Variants in SCUBE2 observed in about 807,000 individuals in gnomAD.
SCUBE2 encodes the protein signal peptide, CUB domain and EGF like domain containing 2, also known as signal peptide, CUB and EGF-like domain-containing protein 2.
A neutral mutation model predicts 125.9 loss-of-function variants in SCUBE2; 114 were observed. That is an observed-to-expected ratio of 0.91 (90% CI 0.78 to 1.06). The LOEUF is 1.06. SCUBE2 is among the 50% of genes least tolerant of loss of function. The pLI is 0.00. For synonymous variants in SCUBE2, 459 were observed against 492.9 expected (o/e 0.93, Z 0.91); for missense variants, 1,255 against 1,301.8 (o/e 0.96, Z 0.55).
intron 10 of SCUBE2, 42 bp from the exon 11 acceptor site, chr11:9,053,801 G>A (rs1232949502): frequency 6.3e-7 from 1 of 1,597,918 alleles, no homozygotes; most frequent in Admixed American, 1.7e-5. Flanking sequence ...GCCTGTCACT[G>A]AATGGGCTGA....
chr11:9,020,999 C>A lies in SCUBE2; in HGVS notation c.*46G>T. 6.4e-7 allele frequency: 1 copy of A among 1,569,236 alleles called. No individual in the cohort carries two copies. The highest frequency in any genetic ancestry group is 8.7e-7 in the Non-Finnish European group (1 of 1,153,526). On this transcript the variant is annotated 3_prime_UTR_variant, in exon 23 of 23. Transcript: ENST00000649792. ...GCAGAAGGAAGACAGCTCTGTCCCA[C>A]CAACCCTATAGCAGAACATTTGTAT... is the stretch of plus-strand genomic sequence containing the variant.
chr11:9,025,089 C>G (rs1378358682), intron 21 of SCUBE2, among the ~76,000 whole-genome samples: 1 of 152,210 alleles, frequency 6.6e-6, no homozygotes, highest in Non-Finnish European at 1.5e-5. Flanking sequence ...CCAACCAAGT[C>G]TCAGAGCTAG....
In SCUBE2 at chr11:9,047,507, G is replaced by A. The variant is rs750537100; in HGVS notation, c.1851C>T (p.Ala617=). The A allele has an allele frequency of 1.9e-6, 3 of 1,614,008 alleles. No individual in the cohort carries two copies. The highest frequency in any genetic ancestry group is 4.5e-5 in the East Asian group (2 of 44,872). The part of the protein sequence containing the change: ...VKRTEKRLRK[A]IRTLRKAVHR... Reference sequence around the variant, plus strand: ...GGACGGCCTTTCTGAGCGTGCGGATGGCTTTACGGAGCCGCTTCTCGGTTC... The same window carrying A: ...GGACGGCCTTTCTGAGCGTGCGGATAGCTTTACGGAGCCGCTTCTCGGTTC... Residue 617 remains alanine, a synonymous_variant, in exon 16 of 23, where the codon GCC becomes GCT. Transcript: ENST00000649792.
At chr11:9,026,113 T>G (rs1187328602) in intron 20 of SCUBE2, 2 of 330,372 alleles carry the variant, frequency 6.1e-6, no homozygotes, top group Admixed American at 9.0e-5. Flanking sequence ...CCGTTCACTG[T>G]AGGAGCTGGG....
At chr11:9,083,421 A>G (rs1186856316) in intron 2 of SCUBE2, among the ~76,000 whole-genome samples, 1 of 152,244 alleles carries the variant, frequency 6.6e-6, no homozygotes, top group Non-Finnish European at 1.5e-5. Context: ...TCACAGGGTT[A>G]TGGACTTATA....
intron 2 of SCUBE2, among the ~76,000 whole-genome samples, chr11:9,086,475 C>T (rs376300274): frequency 8.3e-4 from 127 of 152,280 alleles, no homozygotes; most frequent in African/African-American, 2.9e-3. Context: ...ATCTTTGAAT[C>T]CTTGCAATCC....
At chr11:9,035,656 G>A (rs932762396) in intron 16 of SCUBE2, among the ~76,000 whole-genome samples, 3 of 151,900 alleles carry the variant, frequency 2.0e-5, no homozygotes, top group African/African-American at 7.3e-5. Flanking sequence ...TTAAACATGG[G>A]AACGTTCTCT....
rs1856192644 is a variant in SCUBE2, at chr11:9,030,315, CCA to C, written c.2342-272_2342-271del. The C allele has an allele frequency of 2.6e-5, 13 of 503,808 alleles. No homozygotes were observed. In the South Asian group the frequency reaches 3.0e-4, roughly 12 times the overall value. 31.2% of individuals were successfully genotyped at this position (503,808 alleles called of 1,614,324 possible). A position where few individuals can be genotyped will look rare whatever the true frequency, so the allele number is the denominator to read the frequency against. On this transcript the variant is annotated intron_variant, in intron 18 of 22. Coordinates refer to ENST00000649792, the MANE Select transcript of SCUBE2 (RefSeq NM_001367977.2). ...GAGTCAGGCATCAATGATCACAACT[CCA>C]GTCTTCATGCAGAGCACGTCTGTGA...
At chr11:9,086,404 A>C (rs1294149961) in intron 2 of SCUBE2, among the ~76,000 whole-genome samples, 1 of 152,236 alleles carries the variant, frequency 6.6e-6, no homozygotes, top group Non-Finnish European at 1.5e-5. Flanking sequence ...GTTGGTCCCA[A>C]GAGGCTCAAA....
intron 2 of SCUBE2, among the ~76,000 whole-genome samples, chr11:9,081,617 T>C (rs1205655776): frequency 3.3e-5 from 5 of 151,824 alleles, no homozygotes; most frequent in Admixed American, 6.6e-5. Context: ...ACCAGGAGTT[T>C]GAGACTAGCC....
At chr11:9,030,102 A>G in intron 18 of SCUBE2, 57 bp from the exon 19 acceptor site, 1 of 1,562,220 alleles carries the variant, frequency 6.4e-7, no homozygotes, top group Non-Finnish European at 8.7e-7. Flanking sequence ...TTTTAATCAA[A>G]TGCAGCACAA....
At chr11:9,071,731 T>C (rs1194935996) in intron 4 of SCUBE2, among the ~76,000 whole-genome samples, 1 of 152,142 alleles carries the variant, frequency 6.6e-6, no homozygotes, top group East Asian at 1.9e-4. Context: ...GCCTTGTGAA[T>C]TGGGAGGAAA....
intron 3 of SCUBE2, among the ~76,000 whole-genome samples, chr11:9,078,410 G>C (rs903239637): frequency 7.2e-5 from 11 of 152,188 alleles, no homozygotes; most frequent in African/African-American, 2.7e-4. Flanking sequence ...GGTCATATGA[G>C]GGTTAAGTCC....
chr11:9,047,794 C>T (rs2099623570), intron 15 of SCUBE2, 149 bp downstream of exon 15: 1 of 1,043,386 alleles, frequency 9.6e-7, no homozygotes, highest in East Asian at 2.4e-5. Flanking sequence ...AGGTTCCAAA[C>T]CAATTCAGTT....
chr11:9,074,550 A>T lies in SCUBE2; in HGVS notation c.448T>A (p.Tyr150Asn). The change falls in exon 4 of 23, where the codon TAT (tyrosine) becomes AAT (asparagine). Residue 150 changes from tyrosine (Y) to asparagine (N), a missense_variant. Around this residue, in one of 3 missense-constraint regions of SCUBE2, gnomAD observed 362 missense variants for 323.0 expected, o/e 1.12. Coordinates refer to ENST00000649792, the MANE Select transcript of SCUBE2 (RefSeq NM_001367977.2). ...QHTCVNVMGS[Y>N]ECCCKEGFFL... is the part of the protein sequence containing the mutation. Reference sequence around the variant, plus strand: ...AACCCCTCCTTGCAGCAGCACTCATAGCTCCCCATGACGTTGACACAGGTA... The same window carrying T: ...AACCCCTCCTTGCAGCAGCACTCATTGCTCCCCATGACGTTGACACAGGTA... The T allele has an allele frequency of 6.2e-7, 1 of 1,614,170 alleles. No homozygotes were observed. Among genetic ancestry groups the T allele is most frequent in the South Asian group, 1.1e-5 (1 of 91,078 alleles).
chr11:9,047,486 G>C lies in SCUBE2; in HGVS notation c.1872C>G (p.Ala624=), dbSNP rs756050214. Residue 624 remains alanine (A), a synonymous_variant, in exon 16 of 23, where the codon GCC becomes GCG. Coordinates refer to ENST00000649792, the MANE Select transcript of SCUBE2 (RefSeq NM_001367977.2). ...GGAGGTGAAACTGCTCCCTGTGGACGGCCTTTCTGAGCGTGCGGATGGCTT... is the reference window on the plus strand; with the variant it reads ...GGAGGTGAAACTGCTCCCTGTGGACCGCCTTTCTGAGCGTGCGGATGGCTT... ...LRKAIRTLRK[A]VHREQFHLQL... 1.9e-6 allele frequency: 3 copies of C among 1,613,922 alleles called. No individual in the cohort carries two copies. The South Asian group carries it at 3.3e-5, about 18-fold the overall frequency.
chr11:9,033,745 A>G lies in SCUBE2; in HGVS notation c.2054T>C (p.Leu685Ser). 1 of 1,614,154 alleles carries G rather than the reference A, an allele frequency of 6.2e-7. No individual in the cohort carries two copies. The highest frequency in any genetic ancestry group is 8.5e-7 in the Non-Finnish European group (1 of 1,180,026). Residue 685 changes from leucine to serine, a missense_variant, in exon 17 of 23, where the codon TTA becomes TCA. This residue lies in a region of SCUBE2 where 515 missense variants were observed against 515.7 expected (regional missense o/e 1.00). Coordinates refer to ENST00000649792, the MANE Select transcript of SCUBE2 (RefSeq NM_001367977.2). ...ATTTTGGAAGGTTCCATTTGGACAT[A>G]AAATGCAGCGTTCTCGTGCTCCATC... ...YYDGARERCI[L>S]CPNGTFQNEE...
Position 9,091,532 on chromosome 11 carries a change from T to G in SCUBE2, c.-4A>C. 1.3e-6 allele frequency: 1 copy of G among 749,804 alleles called. No homozygotes were observed. Among genetic ancestry groups the G allele is most frequent in the Non-Finnish European group, 1.8e-6 (1 of 558,538 alleles). The allele number at this position is 749,804 out of a possible 1,614,324, so 46.4% of individuals were successfully genotyped here. On this transcript the variant is annotated 5_prime_UTR_variant, in exon 1 of 23. Coordinates refer to ENST00000649792, the MANE Select transcript of SCUBE2 (RefSeq NM_001367977.2). The surrounding 1 kb of genome is among the most constrained non-coding windows in gnomAD (Gnocchi z 8.5). ...GGTTGCGGCCCGCGACCCCCATGGA[T>G]GGCTCAGCGGTTGCGGGCAGAGGCG...
intron 16 of SCUBE2, among the ~76,000 whole-genome samples, chr11:9,043,719 T>G (rs7125458): frequency 6.6e-6 from 1 of 152,018 alleles, no homozygotes; most frequent in East Asian, 1.9e-4. Context: ...TATAGATGTT[T>G]TCAGAAGAAG....
Sources: gnomAD v4.1 joint callset for allele counts (sites outside exome capture counted in the v4.1 genomes callset) on GRCh38, gnomAD v4.1.1 for gene constraint, gnomAD v4.1.1 regional missense constraint, Gnocchi (gnomAD v3.1) non-coding constraint, MANE v1.5 for transcripts, NCBI Gene and HGNC (gene_info 2026-07-23, HGNC 2026-07-21) for gene names.